NFIB: variants seen among roughly 807,000 people sequenced by gnomAD.
NFIB encodes nuclear factor 1 B-type.
A neutral mutation model predicts 61.5 loss-of-function variants in NFIB; 11 were observed. That is an observed-to-expected ratio of 0.18 (90% CI 0.11 to 0.30). The LOEUF is 0.30. Among genes scored for constraint, NFIB ranks in the 10% least tolerant of loss-of-function variants. The probability of loss-of-function intolerance (pLI) is 1.00; values close to 1 mark genes in which losing one functional copy is unlikely to be tolerated. For missense variants in NFIB, 471 were observed against 608.9 expected, an observed-to-expected ratio of 0.77 and a Z score of 2.38; for synonymous variants, 260 against 216.5, an observed-to-expected ratio of 1.20 and a Z score of -1.76.
chr9:14,139,468 T>C (rs1039614976), intron 6 of NFIB, among the ~76,000 whole-genome samples: 1 of 152,204 alleles, frequency 6.6e-6, no homozygotes, highest in Admixed American at 6.5e-5. Context: ...TATGACATTA[T>C]CTCCCATGGG....
chr9:14,206,008 T>C lies in NFIB; in HGVS notation c.563-26228A>G, dbSNP rs13301411. On this transcript the variant is annotated intron_variant, in intron 2 of 10. Coordinates refer to ENST00000380953, the MANE Select transcript of NFIB (RefSeq NM_001190737.2). ...TAATTTCTCAGCATTATTAATTATG[T>C]TTCTGCGTAAAAGACATTTAGGGAC... 5.4e-3 allele frequency among the ~76,000 whole-genome samples: 816 copies of C among 152,242 alleles called. 3 individuals carry two copies. Among genetic ancestry groups the C allele is most frequent in the Non-Finnish European group, 8.8e-3 (596 of 68,008 alleles).
At chr9:14,493,223 C>T in the NFIB span, among the ~76,000 whole-genome samples, 2 of 152,278 alleles carry the variant, frequency 1.3e-5, no homozygotes, top group Non-Finnish European at 2.9e-5. Context: ...ATTCTTAGAG[C>T]TTATACTTTC....
intron 1 of NFIB, among the ~76,000 whole-genome samples, chr9:14,329,497 A>G (rs1439318143): frequency 6.6e-6 from 1 of 151,516 alleles, no homozygotes; most frequent in African/African-American, 2.4e-5. Context: ...ACAGTGAGTG[A>G]CTCCTTGTCT....
At chr9:14,159,344 A>G (rs1160937598) in intron 3 of NFIB, among the ~76,000 whole-genome samples, 1 of 152,242 alleles carries the variant, frequency 6.6e-6, no homozygotes, top group Non-Finnish European at 1.5e-5. Flanking sequence ...CATTGGAAAT[A>G]TATCAGAACT....
the NFIB span, among the ~76,000 whole-genome samples, chr9:14,527,293 T>C: frequency 1.6e-4 from 25 of 152,318 alleles, no homozygotes; most frequent in African/African-American, 5.8e-4. Context: ...TCAGATATCA[T>C]CATCGTTGTT....
chr9:14,364,425 A>G (rs541710041), intron 1 of NFIB, among the ~76,000 whole-genome samples: 1 of 152,330 alleles, frequency 6.6e-6, no homozygotes, highest in South Asian at 2.1e-4. Flanking sequence ...TGAAAATTCT[A>G]ATGCTTAATA....
the NFIB span, among the ~76,000 whole-genome samples, chr9:14,432,819 G>A: frequency 5.3e-4 from 81 of 152,304 alleles, no homozygotes; most frequent in African/African-American, 1.9e-3. Flanking sequence ...ATGCTATGAG[G>A]CCAATATTTT....
chr9:14,522,812 T>C, the NFIB span, among the ~76,000 whole-genome samples: 2 of 152,192 alleles, frequency 1.3e-5, no homozygotes, highest in African/African-American at 2.4e-5. Context: ...AACCTTGAAA[T>C]AGTAAGAACT....
At chr9:14,365,208 C>G (rs1310455079) in intron 1 of NFIB, among the ~76,000 whole-genome samples, 1 of 152,078 alleles carries the variant, frequency 6.6e-6, no homozygotes, top group Non-Finnish European at 1.5e-5. Context: ...AAATAAATTT[C>G]GAGACCACCG....
upstream of NFIB, among the ~76,000 whole-genome samples, chr9:14,314,901 C>T (rs2060469232): frequency 6.6e-6 from 1 of 151,836 alleles, no homozygotes; most frequent in African/African-American, 2.4e-5. Context: ...GTGCTCGCTG[C>T]GGACTCTTTT....
intron 6 of NFIB, among the ~76,000 whole-genome samples, chr9:14,136,576 A>G (rs1334586768): frequency 6.6e-6 from 1 of 152,182 alleles, no homozygotes; most frequent in African/African-American, 2.4e-5. Context: ...CATTTATGCT[A>G]CAAGACATCT....
chr9:14,359,587 T>C (rs1299922418), intron 1 of NFIB, among the ~76,000 whole-genome samples: 1 of 152,186 alleles, frequency 6.6e-6, no homozygotes, highest in Non-Finnish European at 1.5e-5. Flanking sequence ...ATAATCAATT[T>C]CTTTTGTTTT....
intron 7 of NFIB, among the ~76,000 whole-genome samples, chr9:14,121,145 T>A (rs2038877820): frequency 6.6e-6 from 1 of 152,182 alleles, no homozygotes; most frequent in Admixed American, 6.5e-5. Context: ...GCACCTGTAA[T>A]CCCAGCTACT....
chr9:14,326,123 G>C (rs141117412), intron 1 of NFIB, among the ~76,000 whole-genome samples: 6 of 152,298 alleles, frequency 3.9e-5, no homozygotes, highest in African/African-American at 1.4e-4. Context: ...CAGGAGAGGA[G>C]AGTGCATGTC....
At chr9:14,228,318 T>C (rs12708255) in intron 2 of NFIB, among the ~76,000 whole-genome samples, 54,629 of 151,132 alleles carry the variant, frequency 0.36, 10,340 homozygotes, top group African/African-American at 0.47. Flanking sequence ...CCTCAGCCTC[T>C]CGAGTAGCTG....
chr9:14,089,798 C>T (rs748937508), intron 10 of NFIB, among the ~76,000 whole-genome samples: 1 of 152,084 alleles, frequency 6.6e-6, no homozygotes, highest in Non-Finnish European at 1.5e-5. Context: ...AGAATATCAA[C>T]CTAAAGGAAC....
At chr9:14,500,512 T>A in the NFIB span, among the ~76,000 whole-genome samples, 12 of 152,186 alleles carry the variant, frequency 7.9e-5, no homozygotes, top group Non-Finnish European at 1.5e-4. Flanking sequence ...TGTGGATCAG[T>A]TCCCTCTTTT....
chr9:14,469,557 C>T, the NFIB span, among the ~76,000 whole-genome samples: 4 of 152,174 alleles, frequency 2.6e-5, no homozygotes, highest in Admixed American at 1.3e-4. Context: ...CTTCCCTCTG[C>T]ATGCATGCTC....
chr9:14,311,070 A>C (rs1038362326), intron 1 of NFIB, among the ~76,000 whole-genome samples: 9 of 152,114 alleles, frequency 5.9e-5, no homozygotes, highest in Admixed American at 1.3e-4. Context: ...ACATATATTA[A>C]ATCATATGAT....
Sources: allele counts gnomAD v4.1 joint callset (sites outside exome capture counted in the v4.1 genomes callset), GRCh38; gene constraint gnomAD v4.1.1; transcripts MANE v1.5; gene names NCBI Gene and HGNC (gene_info 2026-07-23, HGNC 2026-07-21).